TTC17: variants seen among roughly 807,000 people sequenced by gnomAD.
TTC17 encodes tetratricopeptide repeat protein 17.
Under a neutral mutation model 143.8 loss-of-function variants are expected in TTC17, and 58 were observed. The observed-to-expected ratio is 0.40, with a 90% CI of 0.33 to 0.50. TTC17 has a LOEUF of 0.50. Among genes scored for constraint, TTC17 ranks in the 20% least tolerant of loss-of-function variants. The probability of loss-of-function intolerance (pLI) is 0.49; values close to 1 mark genes in which losing one functional copy is unlikely to be tolerated. For synonymous variants in TTC17, 501 were observed against 497.8 expected, an observed-to-expected ratio of 1.01 and a Z score of -0.09; for missense variants, 1,273 against 1,392.5, an observed-to-expected ratio of 0.91 and a Z score of 1.37.
chr11:43,418,377 A>G (rs1946824937), intron 16 of TTC17, among the ~76,000 whole-genome samples: 1 of 152,114 alleles, frequency 6.6e-6, no homozygotes, highest in Non-Finnish European at 1.5e-5. Flanking sequence ...GATTTTTTTT[A>G]CTTGCCCACT....
intron 21 of TTC17, among the ~76,000 whole-genome samples, chr11:43,470,721 G>C (rs1948076145): frequency 6.6e-6 from 1 of 152,194 alleles, no homozygotes; most frequent in Non-Finnish European, 1.5e-5. Context: ...TGGAGGCCTT[G>C]TTAAAACACA....
At position 43,403,078 on chromosome 11, in the gene TTC17, A is replaced by G. The variant is rs560966667; in HGVS notation, c.1333-920A>G. Among the ~76,000 whole-genome samples, 13 of 145,626 alleles carry G rather than the reference A, an allele frequency of 8.9e-5. No homozygotes were observed. The South Asian group carries it at 2.5e-3, about 28-fold the overall frequency. The stretch of plus-strand genomic sequence containing the variant: ...TCATGTTTGGTTTCCAAGGGAAAAA[A>G]TAAAGAAGACCAGATTCACACCCTC... On this transcript the variant is annotated intron_variant, in intron 10 of 23. Transcript: ENST00000039989.
chr11:43,359,800 GTTC>G (rs750662004), intron 1 of TTC17, among the ~76,000 whole-genome samples: 1 of 152,174 alleles, frequency 6.6e-6, no homozygotes, highest in Non-Finnish European at 1.5e-5. Context: ...TCTTTACCTA[GTTC>G]TTGTGACCCA....
chr11:43,422,461 C>T (rs531928445), intron 16 of TTC17, among the ~76,000 whole-genome samples: 1 of 152,146 alleles, frequency 6.6e-6, no homozygotes, highest in East Asian at 1.9e-4. Context: ...AAGTCATTAG[C>T]TTGGATGAAA....
intron 21 of TTC17, among the ~76,000 whole-genome samples, chr11:43,484,271 TC>T (rs1948340770): frequency 6.6e-6 from 1 of 152,230 alleles, no homozygotes; most frequent in Non-Finnish European, 1.5e-5. Flanking sequence ...AATATTTTTC[TC>T]AAAGTGGCTT....
At chr11:43,491,338 A>G (rs995944143) in intron 22 of TTC17, 12 of 152,230 alleles carry the variant, frequency 7.9e-5, no homozygotes, top group Admixed American at 4.6e-4. Context: ...TACTTGTTCC[A>G]TCCATCATTT....
intron 15 of TTC17, among the ~76,000 whole-genome samples, chr11:43,413,036 G>A (rs1015322767): frequency 1.4e-5 from 2 of 147,634 alleles, no homozygotes; most frequent in African/African-American, 5.2e-5. Context: ...ACAAATGGGG[G>A]CAGGGTGATG....
intron 1 of TTC17, among the ~76,000 whole-genome samples, chr11:43,369,276 A>G (rs543340074): frequency 6.6e-6 from 1 of 152,334 alleles, no homozygotes; most frequent in East Asian, 1.9e-4. Flanking sequence ...AATTAGGAGA[A>G]TGGTGATTGT....
intron 15 of TTC17, among the ~76,000 whole-genome samples, chr11:43,411,220 T>A (rs1420306519): frequency 6.6e-6 from 1 of 152,202 alleles, no homozygotes; most frequent in Non-Finnish European, 1.5e-5. Flanking sequence ...GCACATTCTA[T>A]TCTAGCCTCA....
At position 43,493,768 on chromosome 11, in the gene TTC17, C is replaced by T; in HGVS notation, c.3295-5C>T. 6.2e-7 allele frequency: 1 copy of T among 1,614,030 alleles called. No homozygotes were observed. Among genetic ancestry groups the T allele is most frequent in the Non-Finnish European group, 8.5e-7 (1 of 1,179,964 alleles). ...CCCTCACATTTCTCTCCTTGGCCCT[C>T]ACAGGAAGAATTTGAAAAAGCACTG... On this transcript the variant is annotated splice_polypyrimidine_tract_variant and splice_region_variant and intron_variant, in intron 23 of 23. Coordinates refer to ENST00000039989, the MANE Select transcript of TTC17 (RefSeq NM_018259.6).
At chr11:43,422,480 A>G (rs1235931637) in intron 16 of TTC17, among the ~76,000 whole-genome samples, 3 of 152,168 alleles carry the variant, frequency 2.0e-5, no homozygotes, top group South Asian at 2.1e-4. Context: ...AATTACCTCA[A>G]TAATTACTAT....
chr11:43,391,682 C>A (rs1346816715), intron 4 of TTC17, 106 bp downstream of exon 4: 3 of 1,297,866 alleles, frequency 2.3e-6, no homozygotes, highest in Non-Finnish European at 3.2e-6. Context: ...TTCCTGACAG[C>A]TTTGTAATTT....
At chr11:43,393,339 AG>A in intron 5 of TTC17, among the ~76,000 whole-genome samples, 1 of 152,284 alleles carries the variant, frequency 6.6e-6, no homozygotes, top group South Asian at 2.1e-4. Flanking sequence ...AAGTCAGGAA[AG>A]CACTTTACCT....
intron 21 of TTC17, among the ~76,000 whole-genome samples, chr11:43,468,982 G>C (rs180745771): frequency 6.6e-6 from 1 of 152,250 alleles, no homozygotes; most frequent in Admixed American, 6.5e-5. Flanking sequence ...ACGTATATAT[G>C]ATGGACTTGA....
intron 1 of TTC17, among the ~76,000 whole-genome samples, chr11:43,365,992 T>C (rs1856322300): frequency 6.6e-6 from 1 of 152,032 alleles, no homozygotes; most frequent in Non-Finnish European, 1.5e-5. Context: ...AGACCTTTTT[T>C]TTTTTTTGAG....
intron 5 of TTC17, among the ~76,000 whole-genome samples, chr11:43,393,424 G>C (rs1857463649): frequency 6.6e-6 from 1 of 151,350 alleles, no homozygotes; most frequent in African/African-American, 2.4e-5. Flanking sequence ...AGGGGGAAGG[G>C]GTGCACAGAG....
At chr11:43,410,184 A>T (rs891363943) in intron 15 of TTC17, among the ~76,000 whole-genome samples, 1 of 152,166 alleles carries the variant, frequency 6.6e-6, no homozygotes, top group Non-Finnish European at 1.5e-5. Flanking sequence ...AAAAGTTTGT[A>T]TACACATTTT....
At position 43,485,883 on chromosome 11, in the gene TTC17, GTTTTTTTTTT is replaced by G. The variant is rs751026290; in HGVS notation, c.3031-4345_3031-4336del. ...CAATTTGGCAATCTCTTGGTTTTTT[GTTTTTTTTTT>G]TTTTTTTTTTGAACATATGCATATC... On this transcript the variant is annotated intron_variant, in intron 21 of 23. Transcript: ENST00000039989. Among the ~76,000 whole-genome samples, 13 of 112,612 alleles carry G rather than the reference GTTTTTTTTTT, an allele frequency of 1.2e-4. No homozygotes were observed. The East Asian group carries it at 1.9e-3, about 17-fold the overall frequency. The allele number at this position is 112,612 out of a possible 152,430, so 73.9% of individuals were successfully genotyped here.
At chr11:43,413,383 C>T in intron 15 of TTC17, among the ~76,000 whole-genome samples, 1 of 152,070 alleles carries the variant, frequency 6.6e-6, no homozygotes, top group Non-Finnish European at 1.5e-5. Flanking sequence ...AACAATAAGC[C>T]TTCTTTATGA....
Sources: gnomAD v4.1 joint callset for allele counts (sites outside exome capture counted in the v4.1 genomes callset) on GRCh38, gnomAD v4.1.1 for gene constraint, MANE v1.5 for transcripts, NCBI Gene and HGNC (gene_info 2026-07-23, HGNC 2026-07-21) for gene names.